The following ZFAND3 variants were observed in gnomAD, a reference collection of about 807,000 sequenced individuals.
ZFAND3 encodes zinc finger AN1-type containing 3, also known as AN1-type zinc finger protein 3.
In ZFAND3, 10 loss-of-function variants were observed where a neutral mutation model predicts 29.6. The observed-to-expected ratio is 0.34, with a 90% CI of 0.21 to 0.57. The LOEUF (loss-of-function observed/expected upper bound fraction) is 0.57, where lower values mean the gene tolerates loss of function less well. Among genes scored for constraint, ZFAND3 ranks in the 20% least tolerant of loss-of-function variants. The pLI is 0.86. For missense variants in ZFAND3, 230 were observed against 304.5 expected (o/e 0.76, Z 1.82); for synonymous variants, 128 against 112.6 (o/e 1.14, Z -0.87).
chr6:38,078,442 C>T (rs930840283), intron 3 of ZFAND3, among the ~76,000 whole-genome samples: 6 of 152,006 alleles, frequency 3.9e-5, no homozygotes, highest in African/African-American at 1.4e-4. Flanking sequence ...TAAATATCTC[C>T]GGATAATGAA....
At chr6:37,936,157 C>A (rs1027008635) in intron 2 of ZFAND3, among the ~76,000 whole-genome samples, 56 of 152,072 alleles carry the variant, frequency 3.7e-4, no homozygotes, top group African/African-American at 1.3e-3. Context: ...TGCTGACCTC[C>A]TAAATAGAAG....
chr6:38,138,456 G>C (rs1241675505), intron 5 of ZFAND3, among the ~76,000 whole-genome samples: 1 of 151,992 alleles, frequency 6.6e-6, no homozygotes, highest in East Asian at 1.9e-4. Context: ...TCCAACTGCT[G>C]GGAGGGGGAC....
intron 5 of ZFAND3, among the ~76,000 whole-genome samples, chr6:38,144,326 G>T (rs1328088171): frequency 6.6e-6 from 1 of 151,436 alleles, no homozygotes; most frequent in Non-Finnish European, 1.5e-5. Context: ...ATGCCAAGTG[G>T]TTCATGAGTT....
chr6:37,998,782 G>A (rs1356080211), intron 2 of ZFAND3, among the ~76,000 whole-genome samples: 2 of 152,212 alleles, frequency 1.3e-5, no homozygotes, highest in Non-Finnish European at 2.9e-5. Flanking sequence ...AGAAGAGTAA[G>A]GGGAAGAGGC....
At chr6:38,128,231 A>G (rs1001532280) in intron 5 of ZFAND3, among the ~76,000 whole-genome samples, 5 of 152,220 alleles carry the variant, frequency 3.3e-5, no homozygotes, top group Non-Finnish European at 7.3e-5. Context: ...AAAGCCTTTA[A>G]TGTGTAGTTA....
intron 1 of ZFAND3, among the ~76,000 whole-genome samples, chr6:37,885,006 T>C (rs1236125487): frequency 6.6e-6 from 1 of 152,168 alleles, no homozygotes; most frequent in Non-Finnish European, 1.5e-5. Context: ...CATGATTGTT[T>C]TCAGAAATCT....
At chr6:38,077,447 G>GT (rs943970675) in intron 3 of ZFAND3, among the ~76,000 whole-genome samples, 199 of 148,994 alleles carry the variant, frequency 1.3e-3, no homozygotes, top group African/African-American at 4.7e-3. Flanking sequence ...GTCATGTTAA[G>GT]TAAGAAAATT....
At position 38,152,912 on chromosome 6, in the gene ZFAND3, C is replaced by T. The variant is rs1019620548; in HGVS notation, c.*523C>T. Reference sequence around the variant, plus strand: ...GAGGCTGCTGAGATTGGCCACGTGGCTGGGCTGGGTGGTGGCCTCACTCTC... The same window carrying T: ...GAGGCTGCTGAGATTGGCCACGTGGTTGGGCTGGGTGGTGGCCTCACTCTC... On this transcript the variant is annotated 3_prime_UTR_variant, in exon 6 of 6. Coordinates refer to ENST00000287218, the MANE Select transcript of ZFAND3 (RefSeq NM_021943.3). The T allele has an allele frequency of 1.6e-5, 16 of 985,796 alleles. No homozygotes were observed. Among genetic ancestry groups the T allele is most frequent in the Non-Finnish European group, 1.9e-5 (16 of 829,992 alleles). The allele number at this position is 985,796 out of a possible 1,614,324, so 61.1% of individuals were successfully genotyped here.
At chr6:37,864,527 C>T (rs1333217911) in intron 1 of ZFAND3, among the ~76,000 whole-genome samples, 1 of 152,086 alleles carries the variant, frequency 6.6e-6, no homozygotes, top group South Asian at 2.1e-4. Context: ...CAGTAGTAAC[C>T]ATAATTCTAA....
rs1469389190 is a variant in ZFAND3, at chr6:37,822,723, C to G, written c.71+2707C>G. On this transcript the variant is annotated intron_variant, in intron 1 of 5. Coordinates refer to ENST00000287218, the MANE Select transcript of ZFAND3 (RefSeq NM_021943.3). ...GAGAAAGTGACACTTTAGCCTAGACCCACAGGAAGGGTAGAAGTAGAGTAT... is the reference window on the plus strand; with the variant it reads ...GAGAAAGTGACACTTTAGCCTAGACGCACAGGAAGGGTAGAAGTAGAGTAT... Among the ~76,000 whole-genome samples the G allele has an allele frequency of 2.0e-5, 3 of 152,056 alleles. No individual in the cohort carries two copies. The East Asian group carries it at 5.8e-4, about 29-fold the overall frequency.
At chr6:37,991,141 A>G (rs983082828) in intron 2 of ZFAND3, among the ~76,000 whole-genome samples, 1 of 152,086 alleles carries the variant, frequency 6.6e-6, no homozygotes, top group Admixed American at 6.5e-5. Flanking sequence ...TCAGGAGTCT[A>G]AGGAATAACT....
At chr6:37,966,378 A>G (rs918459907) in intron 2 of ZFAND3, among the ~76,000 whole-genome samples, 2 of 152,206 alleles carry the variant, frequency 1.3e-5, no homozygotes, top group Admixed American at 1.3e-4. Context: ...AAAAGCACAT[A>G]CAAAGTGCCA....
At chr6:37,876,854 T>C (rs750624851) in intron 1 of ZFAND3, among the ~76,000 whole-genome samples, 12 of 152,234 alleles carry the variant, frequency 7.9e-5, no homozygotes, top group Non-Finnish European at 1.2e-4. Context: ...CACGTACATA[T>C]ACCTTGGCTA....
chr6:38,067,527 C>T (rs1764370280), intron 3 of ZFAND3, among the ~76,000 whole-genome samples: 1 of 152,208 alleles, frequency 6.6e-6, no homozygotes, highest in Admixed American at 6.5e-5. Flanking sequence ...TTAGGCTATA[C>T]AGTGGAAGGT....
chr6:37,824,153 A>G (rs1037080652), intron 1 of ZFAND3, among the ~76,000 whole-genome samples: 1 of 152,248 alleles, frequency 6.6e-6, no homozygotes, highest in African/African-American at 2.4e-5. Flanking sequence ...TAAGTGAAAT[A>G]TGAACATTTT....
At chr6:37,840,613 A>G (rs259717) in intron 1 of ZFAND3, among the ~76,000 whole-genome samples, 106,219 of 152,140 alleles carry the variant, frequency 0.7, 37,630 homozygotes, top group African/African-American at 0.77. Flanking sequence ...CTTCTGCAAA[A>G]AAGCCAGCTT....
intron 4 of ZFAND3, among the ~76,000 whole-genome samples, chr6:38,088,659 A>G (rs976828651): frequency 2.0e-5 from 3 of 152,242 alleles, no homozygotes; most frequent in Admixed American, 6.5e-5. Context: ...AGTATTGTCA[A>G]CAGACTTTTG....
intron 2 of ZFAND3, among the ~76,000 whole-genome samples, chr6:38,042,998 A>G (rs1412245564): frequency 6.6e-6 from 1 of 152,170 alleles, no homozygotes; most frequent in African/African-American, 2.4e-5. Flanking sequence ...AAAATAATGT[A>G]TTAGATCATT....
intron 1 of ZFAND3, among the ~76,000 whole-genome samples, chr6:37,890,464 G>A (rs953151215): frequency 1.3e-5 from 2 of 152,192 alleles, no homozygotes; most frequent in South Asian, 2.1e-4. Context: ...GAATGGCTGC[G>A]AAGAAGCCCT....
Sources: allele counts gnomAD v4.1 joint callset (sites outside exome capture counted in the v4.1 genomes callset), GRCh38; gene constraint gnomAD v4.1.1; transcripts MANE v1.5; gene names NCBI Gene and HGNC (gene_info 2026-07-23, HGNC 2026-07-21).